Variants in KMT5B observed in about 807,000 individuals in gnomAD.
KMT5B encodes lysine methyltransferase 5B, also known as histone-lysine N-methyltransferase KMT5B.
KMT5B carries 10 observed loss-of-function variants against 83.2 expected under a neutral mutation model. The observed-to-expected ratio is 0.12, with a 90% CI of 0.07 to 0.20. KMT5B has a LOEUF of 0.20. KMT5B is among the 10% of genes least tolerant of loss of function. KMT5B has a pLI of 1.00. For missense variants in KMT5B, 753 were observed against 1,067.2 expected, an observed-to-expected ratio of 0.71 and a Z score of 4.10; for synonymous variants, 349 against 388.8, an observed-to-expected ratio of 0.90 and a Z score of 1.20.
At chr11:68,173,570 G>C (rs899362551) in intron 6 of KMT5B, among the ~76,000 whole-genome samples, 2 of 152,146 alleles carry the variant, frequency 1.3e-5, no homozygotes, top group Non-Finnish European at 2.9e-5. Flanking sequence ...CAGGCATCCA[G>C]AGTCAATAAA....
chr11:68,210,207 C>A (rs1193996744), intron 1 of KMT5B, among the ~76,000 whole-genome samples: 1 of 151,912 alleles, frequency 6.6e-6, no homozygotes, highest in Non-Finnish European at 1.5e-5. Context: ...AGAAATGCAA[C>A]TGGCATTGTA....
chr11:68,167,310 G>A lies in KMT5B; in HGVS notation c.978-132C>T, dbSNP rs1281668437. On this transcript the variant is annotated intron_variant, in intron 9 of 10. Coordinates refer to ENST00000304363, the MANE Select transcript of KMT5B (RefSeq NM_017635.5). Reference sequence around the variant, plus strand: ...GAGGCCTTAATCACCACTGGAAACCGAAGACTAGAACTCACAAAGGAAATT... The same window carrying A: ...GAGGCCTTAATCACCACTGGAAACCAAAGACTAGAACTCACAAAGGAAATT... 1.4e-5 allele frequency: 14 copies of A among 1,026,704 alleles called. No homozygotes were observed. The East Asian group carries it at 2.1e-4, about 16-fold the overall frequency. The allele number at this position is 1,026,704 out of a possible 1,614,324, so 63.6% of individuals were successfully genotyped here.
intron 1 of KMT5B, among the ~76,000 whole-genome samples, chr11:68,207,106 G>T (rs1449669763): frequency 1.3e-5 from 2 of 151,892 alleles, no homozygotes; most frequent in Non-Finnish European, 2.9e-5. Context: ...GCCGGGCATG[G>T]TGGCGGCTGA....
intron 3 of KMT5B, among the ~76,000 whole-genome samples, chr11:68,180,933 G>A (rs764555025): frequency 1.3e-5 from 2 of 152,058 alleles, no homozygotes; most frequent in Non-Finnish European, 2.9e-5. Context: ...TTAGCATTTT[G>A]TTCGTACTAT....
At chr11:68,200,500 G>A (rs1162162846) in intron 1 of KMT5B, among the ~76,000 whole-genome samples, 1 of 152,244 alleles carries the variant, frequency 6.6e-6, no homozygotes, top group Non-Finnish European at 1.5e-5. Flanking sequence ...ACGCACTTGT[G>A]AGGAAGACGG....
At chr11:68,161,669 C>T (rs900126765) in intron 10 of KMT5B, among the ~76,000 whole-genome samples, 1 of 152,174 alleles carries the variant, frequency 6.6e-6, no homozygotes, top group Non-Finnish European at 1.5e-5. Flanking sequence ...ACACTGATAA[C>T]CACTTTTTCT....
chr11:68,180,134 C>T lies in KMT5B; in HGVS notation c.375G>A (p.Val125=), dbSNP rs1268287152. ...TGTTTTTAACACACACTACCTACCTCACAGGGTTGTTGTGAGAAAAACTGT... is the reference window on the plus strand; with the variant it reads ...TGTTTTTAACACACACTACCTACCTTACAGGGTTGTTGTGAGAAAAACTGT... ...KSDSFSHNNP[V]RFRPIKGRQE... The change falls in exon 4 of 11, where the codon GTG becomes GTA. Residue 125 remains valine, a splice_region_variant and synonymous_variant. Transcript: ENST00000304363. The T allele has an allele frequency of 8.8e-6, 14 of 1,583,308 alleles. No homozygotes were observed. Among genetic ancestry groups the T allele is most frequent in the Non-Finnish European group, 1.1e-5 (13 of 1,158,004 alleles).
At chr11:68,170,484 G>C (rs1259947231) in intron 9 of KMT5B, among the ~76,000 whole-genome samples, 1 of 152,150 alleles carries the variant, frequency 6.6e-6, no homozygotes, top group Non-Finnish European at 1.5e-5. Context: ...TGAGCAATAT[G>C]AACTGGTGGT....
intron 1 of KMT5B, among the ~76,000 whole-genome samples, chr11:68,206,894 T>C (rs1860183090): frequency 6.6e-6 from 1 of 152,160 alleles, no homozygotes; most frequent in African/African-American, 2.4e-5. Context: ...CTGCTTTCCC[T>C]ACAGTTCCCA....
chr11:68,192,323 A>G (rs376169755), intron 1 of KMT5B, among the ~76,000 whole-genome samples: 1 of 152,226 alleles, frequency 6.6e-6, no homozygotes, highest in Non-Finnish European at 1.5e-5. Flanking sequence ...CTTTAAAGAC[A>G]ATCTTGGCTC....
At position 68,168,322 on chromosome 11, in the gene KMT5B, C is replaced by A. The variant is rs568017174; in HGVS notation, c.978-1144G>T. On this transcript the variant is annotated intron_variant, in intron 9 of 10. Coordinates refer to ENST00000304363, the MANE Select transcript of KMT5B (RefSeq NM_017635.5). ...TCTTTTCCCTATAAGCTTATAGGAGCTTTTTGTTATTAGAATTTTTTTTTT... is the reference window on the plus strand; with the variant it reads ...TCTTTTCCCTATAAGCTTATAGGAGATTTTTGTTATTAGAATTTTTTTTTT... Among the ~76,000 whole-genome samples, 37 of 150,804 alleles carry A rather than the reference C, an allele frequency of 2.5e-4. 1 individual carries two copies. The South Asian group carries it at 5.3e-3, about 21-fold the overall frequency.
At chr11:68,210,862 C>G (rs1860807753) in intron 1 of KMT5B, among the ~76,000 whole-genome samples, 1 of 152,156 alleles carries the variant, frequency 6.6e-6, no homozygotes, top group Admixed American at 6.5e-5. Flanking sequence ...AACTCCTGAC[C>G]ACGGAGAAGG....
rs201400802 is a variant in KMT5B, at chr11:68,158,361, G to A, written c.1985C>T (p.Pro662Leu). The A allele has an allele frequency of 2.5e-6, 4 of 1,614,142 alleles. No homozygotes were observed. Among genetic ancestry groups the A allele is most frequent in the East Asian group, 2.2e-5 (1 of 44,880 alleles). ...AGGAGCACAGTCTGTGTAGCTCACA[G>A]GCACGCCCACAGTGCCACTGTGCTC... ...QGEHSGTVGV[P>L]VSYTDCAPSP... The change falls in exon 11 of 11, where the codon CCT becomes CTT. Residue 662 changes from proline (P) to leucine (L), a missense_variant. Pro to Leu is a moderately conservative substitution (Grantham distance 98). Coordinates refer to ENST00000304363, the MANE Select transcript of KMT5B (RefSeq NM_017635.5).
At position 68,155,593 on chromosome 11, in the gene KMT5B, A is replaced by G. The variant is rs902471863; in HGVS notation, c.*2095T>C. 1.3e-5 allele frequency: 2 copies of G among 152,182 alleles called. No homozygotes were observed. Among genetic ancestry groups the G allele is most frequent in the African/African-American group, 2.4e-5 (1 of 41,448 alleles). 9.4% of individuals were successfully genotyped at this position (152,182 alleles called of 1,614,324 possible). On this transcript the variant is annotated 3_prime_UTR_variant, in exon 11 of 11. Transcript: ENST00000304363. The stretch of plus-strand genomic sequence containing the variant: ...GAACCTCTTCAAAACACCCCAAACT[A>G]AGGTGGGAATACAAGAGGTGACCCG...
chr11:68,168,683 A>G (rs1855553507), intron 9 of KMT5B, among the ~76,000 whole-genome samples: 1 of 152,202 alleles, frequency 6.6e-6, no homozygotes, highest in Admixed American at 6.5e-5. Context: ...TTATGAACAT[A>G]TTACAATTAC....
intron 1 of KMT5B, among the ~76,000 whole-genome samples, chr11:68,192,432 T>A (rs1007956701): frequency 3.3e-5 from 5 of 152,214 alleles, no homozygotes; most frequent in African/African-American, 1.2e-4. Flanking sequence ...TGTTCCTTGC[T>A]TGTGTTTAGA....
At chr11:68,204,973 CAG>C (rs1015336536) in intron 1 of KMT5B, among the ~76,000 whole-genome samples, 1 of 152,052 alleles carries the variant, frequency 6.6e-6, no homozygotes, top group Non-Finnish European at 1.5e-5. Flanking sequence ...GACCACATAA[CAG>C]AGATTATGAA....
At chr11:68,163,955 G>A (rs1855074458) in intron 10 of KMT5B, among the ~76,000 whole-genome samples, 1 of 152,132 alleles carries the variant, frequency 6.6e-6, no homozygotes, top group South Asian at 2.1e-4. Flanking sequence ...CCTGACTTGT[G>A]GCACCTGCAG....
At chr11:68,160,159 G>A (rs998904767) in intron 10 of KMT5B, among the ~76,000 whole-genome samples, 1 of 152,292 alleles carries the variant, frequency 6.6e-6, no homozygotes. Flanking sequence ...ATGCTTACGA[G>A]GCTTGCCTAC....
Sources: allele counts gnomAD v4.1 joint callset (sites outside exome capture counted in the v4.1 genomes callset), GRCh38; gene constraint gnomAD v4.1.1; transcripts MANE v1.5; gene names NCBI Gene and HGNC (gene_info 2026-07-23, HGNC 2026-07-21).